Variants in EVL observed in about 807,000 individuals in gnomAD.
EVL encodes ena/VASP-like protein.
EVL carries 21 observed loss-of-function variants against 59.6 expected under a neutral mutation model. The ratio of observed to expected loss-of-function variants is 0.35; its 90% confidence interval spans 0.25 to 0.51. EVL has a LOEUF of 0.51. Ranked by LOEUF, EVL falls within the 20% of genes least tolerant of loss-of-function variation. The pLI is 0.97. For synonymous variants in EVL, 198 were observed against 203.5 expected (o/e 0.97, Z 0.23); for missense variants, 462 against 546.6 (o/e 0.85, Z 1.54).
chr14:100,005,072 G>A (rs569321123), intron 1 of EVL, among the ~76,000 whole-genome samples: 31 of 152,326 alleles, frequency 2.0e-4, no homozygotes, highest in African/African-American at 7.2e-4. Flanking sequence ...AAGTTGTGAA[G>A]CTTGCCATTG....
At position 100,123,607 on chromosome 14, in the gene EVL, C is replaced by G. The variant is rs1484484172; in HGVS notation, c.422+5C>G. ...TGAGATGGACATCCAGAGAAGGTAACCCAGCACCCGCAGGGGCCAGGCTGG... is the reference window on the plus strand; with the variant it reads ...TGAGATGGACATCCAGAGAAGGTAAGCCAGCACCCGCAGGGGCCAGGCTGG... On this transcript the variant is annotated splice_donor_5th_base_variant and intron_variant, in intron 4 of 13. Coordinates refer to ENST00000392920, the MANE Select transcript of EVL (RefSeq NM_016337.3). 6.2e-7 allele frequency: 1 copy of G among 1,614,048 alleles called. No individual in the cohort carries two copies. Among genetic ancestry groups the G allele is most frequent in the Non-Finnish European group, 8.5e-7 (1 of 1,179,956 alleles).
intron 3 of EVL, among the ~76,000 whole-genome samples, chr14:100,099,744 A>AC (rs200594053): frequency 0.024 from 2,880 of 119,170 alleles, 37 homozygotes; most frequent in Non-Finnish European, 0.033. Context: ...TTTTTTTTTT[A>AC]ATTTTATTTT....
chr14:100,037,081 T>G (rs940515992), intron 1 of EVL, among the ~76,000 whole-genome samples: 3 of 152,156 alleles, frequency 2.0e-5, no homozygotes, highest in Non-Finnish European at 4.4e-5. Context: ...CTTCCAAAAC[T>G]GTGAGAAAAT....
At chr14:100,057,755 AT>A (rs1412750452) in intron 1 of EVL, among the ~76,000 whole-genome samples, 1 of 152,218 alleles carries the variant, frequency 6.6e-6, no homozygotes, top group Non-Finnish European at 1.5e-5. Context: ...TCCAATTTCC[AT>A]TTTGGTTTTT....
intron 1 of EVL, among the ~76,000 whole-genome samples, chr14:99,980,931 T>C (rs1345706028): frequency 1.3e-5 from 2 of 152,214 alleles, no homozygotes; most frequent in African/African-American, 4.8e-5. Flanking sequence ...ACATTTAAAC[T>C]TAGTTTTATA....
chr14:100,079,583 T>G (rs1213932207), intron 1 of EVL, among the ~76,000 whole-genome samples: 1 of 152,218 alleles, frequency 6.6e-6, no homozygotes, highest in Non-Finnish European at 1.5e-5. Flanking sequence ...CTACATCCTG[T>G]GCTTTTTCCA....
At chr14:100,041,112 C>T (rs2061461177) in intron 1 of EVL, among the ~76,000 whole-genome samples, 1 of 152,058 alleles carries the variant, frequency 6.6e-6, no homozygotes, top group Non-Finnish European at 1.5e-5. Flanking sequence ...ATTGTTGATA[C>T]AATATGGTTA....
At chr14:100,069,009 C>T (rs1188313526) in intron 1 of EVL, among the ~76,000 whole-genome samples, 2 of 152,160 alleles carry the variant, frequency 1.3e-5, no homozygotes, top group Admixed American at 6.5e-5. Flanking sequence ...TATCTTCTAA[C>T]GTATTATAGA....
At chr14:100,058,798 T>C (rs1019267514) in intron 1 of EVL, among the ~76,000 whole-genome samples, 1 of 152,230 alleles carries the variant, frequency 6.6e-6, no homozygotes, top group South Asian at 2.1e-4. Context: ...CATTTTTTGC[T>C]TCTTTTCATA....
chr14:100,069,129 T>C (rs890587741), intron 1 of EVL, among the ~76,000 whole-genome samples: 2 of 152,216 alleles, frequency 1.3e-5, no homozygotes, highest in African/African-American at 4.8e-5. Flanking sequence ...GCCTAAAACA[T>C]TGCCTGGCAA....
intron 1 of EVL, among the ~76,000 whole-genome samples, chr14:100,021,142 A>G (rs2061116766): frequency 6.6e-6 from 1 of 152,172 alleles, no homozygotes; most frequent in Admixed American, 6.5e-5. Flanking sequence ...GTTAGCATTT[A>G]CTCTAGATGA....
Position 100,137,632 on chromosome 14 carries a change from C to G in EVL, c.1019C>G (p.Ser340Trp). ...RSNSVEKPVSSILSRTPSVAK... is the reference protein window; with the variant it reads ...RSNSVEKPVSWILSRTPSVAK... The stretch of plus-strand genomic sequence containing the variant: ...AACTCGGTGGAGAAGCCTGTGTCCT[C>G]GATTCTGTCCAGGTGAGCTGCCCCA... Residue 340 changes from serine to tryptophan, a missense_variant, in exon 10 of 14, where the codon TCG becomes TGG. By Grantham distance (177) the Ser-to-Trp change is radical. Transcript: ENST00000392920. 1 of 1,614,082 alleles carries G rather than the reference C, an allele frequency of 6.2e-7. No individual in the cohort carries two copies. The highest frequency in any genetic ancestry group is 8.5e-7 in the Non-Finnish European group (1 of 1,180,032).
In EVL at chr14:100,136,081, G is replaced by A; in HGVS notation, c.964+113G>A. ...CCTCTTTAGTATGCCTGAGCAGAGG[G>A]CCAGGCCACAGGGAAGCCCATTTCT... On this transcript the variant is annotated intron_variant, in intron 9 of 13. Coordinates refer to ENST00000392920, the MANE Select transcript of EVL (RefSeq NM_016337.3). The A allele has an allele frequency of 3.2e-6, 4 of 1,231,082 alleles. No individual in the cohort carries two copies. In the South Asian group the frequency reaches 3.7e-5, roughly 12 times the overall value. 76.3% of individuals were successfully genotyped at this position (1,231,082 alleles called of 1,614,324 possible). A position where few individuals can be genotyped will look rare whatever the true frequency, so the allele number is the denominator to read the frequency against.
intron 1 of EVL, among the ~76,000 whole-genome samples, chr14:100,024,813 G>A (rs189971751): frequency 3.2e-4 from 48 of 152,106 alleles, no homozygotes; most frequent in African/African-American, 1.1e-3. Context: ...TGTCTAACAC[G>A]GTTCTCCAGC....
intron 1 of EVL, among the ~76,000 whole-genome samples, chr14:99,985,032 C>T (rs972705902): frequency 2.6e-5 from 4 of 152,042 alleles, no homozygotes; most frequent in Admixed American, 1.3e-4. Flanking sequence ...TATATAACAA[C>T]GTTAAGTTGT....
At chr14:100,056,660 T>G (rs1176003068) in intron 1 of EVL, among the ~76,000 whole-genome samples, 1 of 152,304 alleles carries the variant, frequency 6.6e-6, no homozygotes, top group African/African-American at 2.4e-5. Flanking sequence ...GTGGTCTACT[T>G]CTGCTGCGGA....
chr14:100,103,743 C>T (rs1289772961), intron 3 of EVL, among the ~76,000 whole-genome samples: 2 of 152,170 alleles, frequency 1.3e-5, no homozygotes, highest in African/African-American at 4.8e-5. Context: ...TTGTGAGAGG[C>T]AGAGACACAG....
chr14:99,978,125 G>A (rs1168504507), intron 1 of EVL: 1 of 144,886 alleles, frequency 6.9e-6, no homozygotes. Context: ...TCAGCAGGGT[G>A]CGGTGGCTCA....
chr14:100,124,881 A>G (rs1887928851), intron 4 of EVL, among the ~76,000 whole-genome samples: 1 of 152,214 alleles, frequency 6.6e-6, no homozygotes, highest in Non-Finnish European at 1.5e-5. Flanking sequence ...TGTGAACAGC[A>G]GGGGACACAC....
Sources: gnomAD v4.1 joint callset for allele counts (sites outside exome capture counted in the v4.1 genomes callset) on GRCh38, gnomAD v4.1.1 for gene constraint, MANE v1.5 for transcripts, NCBI Gene and HGNC (gene_info 2026-07-23, HGNC 2026-07-21) for gene names.